Variants in ARK2C observed in about 807,000 individuals in gnomAD.
ARK2C encodes the protein arkadia (RNF111) C-terminal like ring finger ubiquitin ligase 2C.
At chr18:46,337,281 CG>C in the ARK2C span, 1 of 985,296 alleles carries the variant, frequency 1.0e-6, no homozygotes, top group Non-Finnish European at 1.2e-6. Context: ...ACAGGGGTAG[CG>C]TGTTCTGCTG....
the ARK2C span, among the ~76,000 whole-genome samples, chr18:46,369,731 G>A: frequency 1.3e-5 from 2 of 152,116 alleles, no homozygotes; most frequent in Admixed American, 6.5e-5. Context: ...AAACCGGGGG[G>A]TCCTTATTCC....
chr18:46,341,725 T>A, the ARK2C span, among the ~76,000 whole-genome samples: 1 of 152,232 alleles, frequency 6.6e-6, no homozygotes, highest in African/African-American at 2.4e-5. Context: ...ACCCTTGTGA[T>A]GTTATTCACA....
chr18:46,338,593 G>A, the ARK2C span, among the ~76,000 whole-genome samples: 1 of 151,672 alleles, frequency 6.6e-6, no homozygotes, highest in African/African-American at 2.4e-5. Context: ...AAATTGAGTT[G>A]AAAAAAGAAC....
At chr18:46,392,987 A>C in the ARK2C span, among the ~76,000 whole-genome samples, 1 of 152,148 alleles carries the variant, frequency 6.6e-6, no homozygotes, top group Admixed American at 6.5e-5. Context: ...ATCGGCAACC[A>C]TAAGGCAGCC....
At chr18:46,440,259 G>T in the ARK2C span, among the ~76,000 whole-genome samples, 2 of 151,656 alleles carry the variant, frequency 1.3e-5, no homozygotes, top group Non-Finnish European at 2.9e-5. Context: ...AGATATTACA[G>T]CATTTTGAGA....
the ARK2C span, chr18:46,334,184 A>G: frequency 1.2e-6 from 1 of 822,424 alleles, no homozygotes; most frequent in Non-Finnish European, 1.5e-6. This position sits in a 1 kb window ranked among gnomAD's most constrained non-coding sequence, Gnocchi z 4.4. Context: ...CGGCTCCCGC[A>G]GCCCCGCCGC....
chr18:46,340,091 A>G, the ARK2C span, among the ~76,000 whole-genome samples: 161 of 152,360 alleles, frequency 1.1e-3, no homozygotes, highest in East Asian at 0.011. Context: ...CAACTGTCAC[A>G]CAAATCTGCA....
At chr18:46,408,020 C>A in the ARK2C span, among the ~76,000 whole-genome samples, 2 of 152,098 alleles carry the variant, frequency 1.3e-5, no homozygotes, top group Admixed American at 6.5e-5. Context: ...GTTTGGACAT[C>A]ATGGATGGGG....
chr18:46,419,946 CTT>C, the ARK2C span, among the ~76,000 whole-genome samples: 1 of 152,142 alleles, frequency 6.6e-6, no homozygotes, highest in East Asian at 1.9e-4. Context: ...TCCACCGTCT[CTT>C]TTTCTCTCAT....
At chr18:46,363,775 G>T in the ARK2C span, among the ~76,000 whole-genome samples, 1 of 152,146 alleles carries the variant, frequency 6.6e-6, no homozygotes, top group Admixed American at 6.5e-5. Context: ...TACTTTTTAA[G>T]GTTGGGTCTC....
the ARK2C span, among the ~76,000 whole-genome samples, chr18:46,349,133 C>T: frequency 1.3e-5 from 2 of 152,128 alleles, no homozygotes; most frequent in African/African-American, 4.8e-5. Flanking sequence ...TTACTTCCCA[C>T]CATAGTCTTC....
chr18:46,398,551 G>C, the ARK2C span, among the ~76,000 whole-genome samples: 1 of 151,994 alleles, frequency 6.6e-6, no homozygotes, highest in African/African-American at 2.4e-5. Context: ...GAGTGTGGCC[G>C]GGACTTTAGT....
the ARK2C span, among the ~76,000 whole-genome samples, chr18:46,426,398 T>A: frequency 1.4e-4 from 22 of 152,314 alleles, no homozygotes; most frequent in East Asian, 3.9e-3. Flanking sequence ...TGGGTTCTTC[T>A]GTCCTCCTAT....
the ARK2C span, among the ~76,000 whole-genome samples, chr18:46,356,778 C>A: frequency 6.6e-6 from 1 of 152,320 alleles, no homozygotes; most frequent in South Asian, 2.1e-4. Context: ...ACCGTGTCAC[C>A]TCTTCTCCCC....
the ARK2C span, among the ~76,000 whole-genome samples, chr18:46,412,202 G>C: frequency 1.3e-5 from 2 of 152,178 alleles, no homozygotes; most frequent in African/African-American, 4.8e-5. Context: ...CTCAAATTGG[G>C]CAACTGCCCA....
chr18:46,402,593 C>A, the ARK2C span, among the ~76,000 whole-genome samples: 2 of 152,160 alleles, frequency 1.3e-5, no homozygotes, highest in African/African-American at 4.8e-5. Flanking sequence ...CTTGACCTCC[C>A]AGGCTTAAGT....
chr18:46,354,904 C>A, the ARK2C span, among the ~76,000 whole-genome samples: 1 of 151,972 alleles, frequency 6.6e-6, no homozygotes, highest in Non-Finnish European at 1.5e-5. Flanking sequence ...ATTTATGAGA[C>A]CTAGATTTCT....
chr18:46,385,053 C>G, the ARK2C span, among the ~76,000 whole-genome samples: 1 of 152,114 alleles, frequency 6.6e-6, no homozygotes, highest in Non-Finnish European at 1.5e-5. Flanking sequence ...GCAGGGCTCC[C>G]TTTCAGTTGG....
chr18:46,357,898 C>T, the ARK2C span, among the ~76,000 whole-genome samples: 1 of 152,198 alleles, frequency 6.6e-6, no homozygotes, highest in Non-Finnish European at 1.5e-5. Flanking sequence ...CTCATCTCTC[C>T]TCTCTTCTGG....
Sources: allele counts gnomAD v4.1 joint callset (sites outside exome capture counted in the v4.1 genomes callset), GRCh38; gene constraint gnomAD v4.1.1; non-coding constraint Gnocchi (gnomAD v3.1); transcripts MANE v1.5; gene names NCBI Gene and HGNC (gene_info 2026-07-23, HGNC 2026-07-21).